TMEM132E: variants seen among roughly 807,000 people sequenced by gnomAD.
TMEM132E encodes transmembrane protein 132E.
Under a neutral mutation model 78.5 loss-of-function variants are expected in TMEM132E, and 49 were observed. The observed-to-expected ratio is 0.62, with a 90% CI of 0.50 to 0.79. TMEM132E has a LOEUF of 0.79. TMEM132E is among the 30% of genes least tolerant of loss of function. The pLI, the probability that TMEM132E is intolerant of heterozygous loss-of-function variation, is 0.00. For synonymous variants in TMEM132E, 715 were observed against 670.6 expected, an observed-to-expected ratio of 1.07 and a Z score of -1.02; for missense variants, 1,403 against 1,470.9, an observed-to-expected ratio of 0.95 and a Z score of 0.75.
intron 1 of TMEM132E, among the ~76,000 whole-genome samples, chr17:34,610,392 G>A (rs1906549354): frequency 6.6e-6 from 1 of 152,202 alleles, no homozygotes; most frequent in Non-Finnish European, 1.5e-5. Context: ...CATGGTGAAA[G>A]GCGCGGTCTC....
In TMEM132E at chr17:34,613,211, ACG is replaced by A. The variant is rs1555563343; in HGVS notation, c.68-12901_68-12900del. Among the ~76,000 whole-genome samples, 487 of 115,958 alleles carry A rather than the reference ACG, an allele frequency of 4.2e-3. 4 individuals carry two copies. The highest frequency in any genetic ancestry group is 0.013 in the African/African-American group (434 of 34,316). The allele number at this position is 115,958 out of a possible 152,430, so 76.1% of individuals were successfully genotyped here. On this transcript the variant is annotated intron_variant, in intron 1 of 8. Coordinates refer to ENST00000631683, the MANE Select transcript of TMEM132E (RefSeq NM_001304438.2). ...CACACACACACCCACACACACACAC[ACG>A]CGCGCGCGCGCGCGTTCTTACATTC...
In TMEM132E at chr17:34,632,711, G is replaced by C. The variant is rs1366629817; in HGVS notation, c.1490G>C (p.Ser497Thr). 4 of 1,614,066 alleles carry C rather than the reference G, an allele frequency of 2.5e-6. No individual in the cohort carries two copies. Among genetic ancestry groups the C allele is most frequent in the Non-Finnish European group, 3.4e-6 (4 of 1,180,036 alleles). Reference sequence around the variant, plus strand: ...GTTCCTCCCTTCCCCCAGGTATCCAGCAGCTGTGACTACGTGTTTGTGAGT... The same window carrying C: ...GTTCCTCCCTTCCCCCAGGTATCCACCAGCTGTGACTACGTGTTTGTGAGT... ...SDNEDIIKVS[S>T]SCDYVFVSGK... is the part of the protein sequence containing the mutation. The change falls in exon 6 of 9, where the codon AGC becomes ACC. Residue 497 changes from serine (S) to threonine (T), a missense_variant. Around this residue, in one of 3 missense-constraint regions of TMEM132E, gnomAD observed 888 missense variants for 952.8 expected, o/e 0.93. Transcript: ENST00000631683.
At chr17:34,613,613 C>T (rs995485948) in intron 1 of TMEM132E, among the ~76,000 whole-genome samples, 12 of 152,006 alleles carry the variant, frequency 7.9e-5, no homozygotes, top group African/African-American at 9.7e-5. Flanking sequence ...CCTCTTTCTC[C>T]GCCTCCCCCT....
At position 34,628,701 on chromosome 17, in the gene TMEM132E, G is replaced by C; in HGVS notation, c.1137G>C (p.Leu379=). 6.3e-7 allele frequency: 1 copy of C among 1,598,160 alleles called. No homozygotes were observed. Among genetic ancestry groups the C allele is most frequent in the Non-Finnish European group, 8.5e-7 (1 of 1,171,530 alleles). The change falls in exon 3 of 9, where the codon CTG becomes CTC. Residue 379 remains leucine, a synonymous_variant. Coordinates refer to ENST00000631683, the MANE Select transcript of TMEM132E (RefSeq NM_001304438.2). ...TGGCCTGGGCTCAGAGCACACCCCT[G>C]CCCCCCAGGTGAGCCCGAGGTGGTG... ...VDVAWAQSTP[L]PPREGQGPLE...
chr17:34,591,902 C>T (rs1905880753), intron 1 of TMEM132E, among the ~76,000 whole-genome samples: 1 of 152,224 alleles, frequency 6.6e-6, no homozygotes, highest in Admixed American at 6.5e-5. Flanking sequence ...GTAATATCCT[C>T]TCTCAGGCTG....
chr17:34,604,576 C>A (rs1271792090), intron 1 of TMEM132E, among the ~76,000 whole-genome samples: 2 of 152,026 alleles, frequency 1.3e-5, no homozygotes, highest in East Asian at 1.9e-4. Flanking sequence ...ATGTGCGCAC[C>A]CTCTGCCCCC....
Position 34,626,572 on chromosome 17 carries a change from G to A in TMEM132E, c.513G>A (p.Arg171=). The A allele has an allele frequency of 3.8e-6, 6 of 1,572,220 alleles. No individual in the cohort carries two copies. The highest frequency in any genetic ancestry group is 3.4e-6 in the Non-Finnish European group (4 of 1,164,036). The part of the protein sequence containing the change: ...RLPCVRLHAF[R]DAREVKSSCR... ...CCTGTGTCCGCCTGCATGCCTTCCG[G>A]GATGCCCGGGAAGTCAAGAGCTCCT... is the stretch of plus-strand genomic sequence containing the variant. Residue 171 remains arginine, a synonymous_variant, in exon 2 of 9, where the codon CGG becomes CGA. Transcript: ENST00000631683.
intron 1 of TMEM132E, among the ~76,000 whole-genome samples, chr17:34,600,525 T>A (rs997122855): frequency 3.4e-5 from 5 of 148,648 alleles, no homozygotes; most frequent in Non-Finnish European, 7.4e-5. Flanking sequence ...CCCTTGGGAG[T>A]CTGCCCTGAG....
At chr17:34,595,891 G>A (rs1373471532) in intron 1 of TMEM132E, among the ~76,000 whole-genome samples, 1 of 152,156 alleles carries the variant, frequency 6.6e-6, no homozygotes, top group Non-Finnish European at 1.5e-5. Flanking sequence ...TATTTACATT[G>A]AGTAACCAGA....
At chr17:34,608,459 A>G (rs1906489274) in intron 1 of TMEM132E, among the ~76,000 whole-genome samples, 1 of 152,358 alleles carries the variant, frequency 6.6e-6, no homozygotes, top group South Asian at 2.1e-4. Flanking sequence ...GGTAGAATAC[A>G]TAAACCACTC....
rs1326081592 is a variant in TMEM132E at position 34,635,961 on chromosome 17, G to T, written c.1978-46G>T. 10 of 1,339,674 alleles carry T rather than the reference G, an allele frequency of 7.5e-6. No homozygotes were observed. The Admixed American group carries it at 1.5e-4, about 20-fold the overall frequency. 83.0% of individuals were successfully genotyped at this position (1,339,674 alleles called of 1,614,324 possible). ...CTAGCTGGGGGTCTTGGGCAGGGGGGTGTGCTTTCCTGGTTCTCTCCCACC... is the reference window on the plus strand; with the variant it reads ...CTAGCTGGGGGTCTTGGGCAGGGGGTTGTGCTTTCCTGGTTCTCTCCCACC... On this transcript the variant is annotated intron_variant, in intron 7 of 8. Transcript: ENST00000631683.
chr17:34,593,493 G>T (rs1168418587), intron 1 of TMEM132E, among the ~76,000 whole-genome samples: 2 of 152,190 alleles, frequency 1.3e-5, no homozygotes, highest in Admixed American at 1.3e-4. Context: ...TCCATACCCA[G>T]TTCTCCTATT....
chr17:34,629,175 G>T lies in TMEM132E; in HGVS notation c.1309G>T (p.Asp437Tyr). Residue 437 changes from aspartate to tyrosine, a missense_variant, in exon 4 of 9, where the codon GAT (aspartate) becomes TAT (tyrosine). By Grantham distance (160) the Asp-to-Tyr change is radical. Transcript: ENST00000631683. ...AVTELTVIQR[D>Y]VQAILPLAMD... Reference sequence around the variant, plus strand: ...CACTGAGCTGACGGTCATTCAGCGGGATGTGCAAGCCATCCTGCCCCTGGC... The same window carrying T: ...CACTGAGCTGACGGTCATTCAGCGGTATGTGCAAGCCATCCTGCCCCTGGC... The T allele has an allele frequency of 6.2e-7, 1 of 1,614,140 alleles. No individual in the cohort carries two copies. The highest frequency in any genetic ancestry group is 8.5e-7 in the Non-Finnish European group (1 of 1,179,996).
intron 1 of TMEM132E, among the ~76,000 whole-genome samples, chr17:34,596,067 C>T (rs766759970): frequency 5.1e-5 from 1 of 19,564 alleles, no homozygotes; most frequent in Non-Finnish European, 2.3e-4. Flanking sequence ...CACACACACA[C>T]GCACAACTTG....
chr17:34,609,275 A>G (rs1020208519), intron 1 of TMEM132E, among the ~76,000 whole-genome samples: 3 of 152,262 alleles, frequency 2.0e-5, no homozygotes, highest in African/African-American at 7.2e-5. Flanking sequence ...GTAAGGCCTC[A>G]GGAAGGGTGT....
rs570168721 is a variant in TMEM132E, at chr17:34,615,132, C to T, written c.68-10995C>T. Among the ~76,000 whole-genome samples, 44 of 97,844 alleles carry T rather than the reference C, an allele frequency of 4.5e-4. 1 individual carries two copies. Among genetic ancestry groups the T allele is most frequent in the African/African-American group, 1.2e-3 (42 of 35,368 alleles). The allele number at this position is 97,844 out of a possible 152,430, so 64.2% of individuals were successfully genotyped here. ...TTGCTGTATGCTTTCAGCAAGTCTT[C>T]CCTCCCTGGGTTTCCCCAGGAGCAG... On this transcript the variant is annotated intron_variant, in intron 1 of 8. Transcript: ENST00000631683.
At position 34,637,886 on chromosome 17, in the gene TMEM132E, C is replaced by T; in HGVS notation, c.2879C>T (p.Thr960Ile). 1 of 1,607,766 alleles carries T rather than the reference C, an allele frequency of 6.2e-7. No individual in the cohort carries two copies. Among genetic ancestry groups the T allele is most frequent in the Non-Finnish European group, 8.5e-7 (1 of 1,178,960 alleles). The part of the protein sequence containing the change: ...LSPPAGNPLE[T>I]VPAFCHGDHH... Reference sequence around the variant, plus strand: ...CCGCCAGCAGGCAACCCGCTGGAAACCGTGCCCGCCTTCTGCCACGGCGAC... The same window carrying T: ...CCGCCAGCAGGCAACCCGCTGGAAATCGTGCCCGCCTTCTGCCACGGCGAC... Residue 960 changes from threonine (T) to isoleucine (I), a missense_variant, in exon 9 of 9, where the codon ACC becomes ATC. This residue lies in a region of TMEM132E where 888 missense variants were observed against 952.8 expected (regional missense o/e 0.93). Coordinates refer to ENST00000631683, the MANE Select transcript of TMEM132E (RefSeq NM_001304438.2).
At chr17:34,590,292 G>T (rs1011984887) in intron 1 of TMEM132E, among the ~76,000 whole-genome samples, 3 of 151,260 alleles carry the variant, frequency 2.0e-5, no homozygotes, top group African/African-American at 4.9e-5. Flanking sequence ...TATTCTCTTG[G>T]CTTGGTCCCG....
At position 34,626,441 on chromosome 17, in the gene TMEM132E, G is replaced by T. The variant is rs766225189; in HGVS notation, c.382G>T (p.Ala128Ser). 17 of 1,613,276 alleles carry T rather than the reference G, an allele frequency of 1.1e-5. No individual in the cohort carries two copies. In the South Asian group the frequency reaches 1.8e-4, roughly 17 times the overall value. The change falls in exon 2 of 9, where the codon GCC (alanine) becomes TCC (serine). Residue 128 changes from alanine to serine, a missense_variant. Transcript: ENST00000631683. ...ERLTVNWKVRAFIVRSHVPAS... is the reference protein window; with the variant it reads ...ERLTVNWKVRSFIVRSHVPAS... Reference sequence around the variant, plus strand: ...CCTGACGGTGAACTGGAAGGTGCGGGCCTTCATCGTCCGCTCGCACGTGCC... The same window carrying T: ...CCTGACGGTGAACTGGAAGGTGCGGTCCTTCATCGTCCGCTCGCACGTGCC...
Sources: gnomAD v4.1 joint callset for allele counts (sites outside exome capture counted in the v4.1 genomes callset) on GRCh38, gnomAD v4.1.1 for gene constraint, gnomAD v4.1.1 regional missense constraint, MANE v1.5 for transcripts, NCBI Gene and HGNC (gene_info 2026-07-23, HGNC 2026-07-21) for gene names.